The following NFILZ variants were observed in gnomAD, a reference collection of about 807,000 sequenced individuals.
NFILZ encodes the protein NFIL3 like protein.
At chr19:8,631,508 G>A (rs1353107267) in intron 1 of NFILZ, among the ~76,000 whole-genome samples, 4 of 152,102 alleles carry the variant, frequency 2.6e-5, no homozygotes, top group Non-Finnish European at 5.9e-5. Flanking sequence ...TTCTGGGAAG[G>A]CAGCGGAGTC....
At chr19:8,666,869 G>C (rs2043064266) in intron 3 of NFILZ, among the ~76,000 whole-genome samples, 1 of 151,826 alleles carries the variant, frequency 6.6e-6, no homozygotes, top group Non-Finnish European at 1.5e-5. Context: ...CAAGTAGCTG[G>C]GACCAGAGGT....
At position 8,656,473 on chromosome 19, in the gene NFILZ, CT is replaced by C. The variant is rs201653163; in HGVS notation, c.-163-18076del. On this transcript the variant is annotated intron_variant, in intron 3 of 5. Coordinates refer to ENST00000691075, the MANE Select transcript of NFILZ (RefSeq NM_001378600.1). ...AGCCCACCTTCTCTCTGAAGCCCAC[CT>C]TCTCCCGCAGCCCACCTTCTCCCGC... Among the ~76,000 whole-genome samples the C allele has an allele frequency of 3.3e-3, 200 of 60,690 alleles. 2 individuals carry two copies. The highest frequency in any genetic ancestry group is 0.01 in the African/African-American group (135 of 13,104). The allele number at this position is 60,690 out of a possible 152,430, so 39.8% of individuals were successfully genotyped here.
rs2146143701 is a variant in NFILZ, at chr19:8,646,923, A to G, written c.-164+11177A>G. Among the ~76,000 whole-genome samples the G allele has an allele frequency of 1.3e-5, 2 of 152,282 alleles. 1 individual carries two copies. The highest frequency in any genetic ancestry group is 4.1e-4 in the South Asian group (2 of 4,820). On this transcript the variant is annotated intron_variant, in intron 3 of 5. Transcript: ENST00000691075. ...CCAGGCAGGAAGAACACAGGCCCTG[A>G]GGCAGCTGGCCCCAGTTCAAATCCG... is the stretch of plus-strand genomic sequence containing the variant.
At chr19:8,646,698 G>C (rs192635727) in intron 3 of NFILZ, among the ~76,000 whole-genome samples, 77 of 152,234 alleles carry the variant, frequency 5.1e-4, no homozygotes, top group Non-Finnish European at 1.8e-4. Flanking sequence ...TCCCACTGCT[G>C]TCCCCACGTC....
chr19:8,630,958 G>A (rs797038879), intron 1 of NFILZ, among the ~76,000 whole-genome samples: 3 of 152,278 alleles, frequency 2.0e-5, no homozygotes, highest in Admixed American at 6.5e-5. Context: ...TGCCCGGGTC[G>A]TGTTGCATGG....
chr19:8,636,178 G>A (rs964825666), intron 3 of NFILZ, among the ~76,000 whole-genome samples: 4 of 151,516 alleles, frequency 2.6e-5, no homozygotes, highest in African/African-American at 4.8e-5. Flanking sequence ...GGCTGGGCGC[G>A]GTGGCTCATG....
At chr19:8,656,289 C>CCTCTTCCCTGAAGCCCACCTTCTCTCTGA (rs1212956882) in intron 3 of NFILZ, among the ~76,000 whole-genome samples, 1 of 32,958 alleles carries the variant, frequency 3.0e-5, no homozygotes, top group Non-Finnish European at 7.4e-5. Flanking sequence ...CTTCTCCCCA[C>CCTCTTCCCTGAAGCCCACCTTCTCTCTGA]AGCCCACCTC....
At chr19:8,665,350 T>C (rs2043057126) in intron 3 of NFILZ, among the ~76,000 whole-genome samples, 1 of 151,890 alleles carries the variant, frequency 6.6e-6, no homozygotes, top group Non-Finnish European at 1.5e-5. Flanking sequence ...AAGTAAAAAA[T>C]GGTCTACGTG....
rs2146177409 is a variant in NFILZ at position 8,678,115 on chromosome 19, AT to A, written c.*481del. ...ATTCCATCCATCCATCCATCCATCC[AT>A]CCATCCATCCCTCCATCCATTCATC... On this transcript the variant is annotated 3_prime_UTR_variant, in exon 6 of 6. Coordinates refer to ENST00000691075, the MANE Select transcript of NFILZ (RefSeq NM_001378600.1). 1.7e-5 allele frequency among the ~76,000 whole-genome samples: 2 copies of A among 120,980 alleles called. No homozygotes were observed. The highest frequency in any genetic ancestry group is 3.5e-5 in the Non-Finnish European group (2 of 57,604). 79.4% of individuals were successfully genotyped at this position (120,980 alleles called of 152,430 possible). A position where few individuals can be genotyped will look rare whatever the true frequency, so the allele number is the denominator to read the frequency against.
intron 3 of NFILZ, among the ~76,000 whole-genome samples, chr19:8,652,699 T>C (rs911837819): frequency 6.6e-6 from 1 of 152,222 alleles, no homozygotes; most frequent in Non-Finnish European, 1.5e-5. Context: ...TATTGGACAA[T>C]TATTTACATA....
rs2043046066 is a variant in NFILZ at position 8,663,740 on chromosome 19, G to GTGTGTGTGTATGTGTGTGTA, written c.-163-10802_-163-10801insATGTGTGTGTATGTGTGTGT. 2.6e-3 allele frequency among the ~76,000 whole-genome samples: 344 copies of GTGTGTGTGTATGTGTGTGTA among 131,724 alleles called. 9 individuals are homozygous for GTGTGTGTGTATGTGTGTGTA. Among genetic ancestry groups the GTGTGTGTGTATGTGTGTGTA allele is most frequent in the Admixed American group, 0.016 (195 of 12,160 alleles). The allele number at this position is 131,724 out of a possible 152,430, so 86.4% of individuals were successfully genotyped here. On this transcript the variant is annotated intron_variant, in intron 3 of 5. Transcript: ENST00000691075. Reference sequence around the variant, plus strand: ...TGTGTGTTTGTGTGTGTGTGTGTGTGTGTGTGTGTGTGTGTGTGTGTGTGT... The same window carrying GTGTGTGTGTATGTGTGTGTA: ...TGTGTGTTTGTGTGTGTGTGTGTGTGTGTGTGTGTATGTGTGTGTATGTGTGTGTGTGTGTGTGTGTGTGT...
intron 3 of NFILZ, among the ~76,000 whole-genome samples, chr19:8,645,615 C>T (rs1473001354): frequency 3.9e-5 from 6 of 152,198 alleles, no homozygotes. Context: ...TGGGAAAGTA[C>T]ACCTCCCTTT....
chr19:8,673,386 G>T (rs1555750456), intron 3 of NFILZ, among the ~76,000 whole-genome samples: 1 of 152,184 alleles, frequency 6.6e-6, no homozygotes, highest in Non-Finnish European at 1.5e-5. Flanking sequence ...AGAGACAGCT[G>T]CAGGAAATTG....
At chr19:8,663,742 G>GTGTGTGTATGTGTGTGTGTA (rs1555749448) in intron 3 of NFILZ, among the ~76,000 whole-genome samples, 1 of 83,908 alleles carries the variant, frequency 1.2e-5, no homozygotes, top group African/African-American at 6.5e-5. Context: ...GTGTGTGTGT[G>GTGTGTGTATGTGTGTGTGTA]TGTGTGTGTG....
In NFILZ at chr19:8,678,617, A is replaced by T. The variant is rs533954684; in HGVS notation, c.*982A>T. Among the ~76,000 whole-genome samples the T allele has an allele frequency of 7.4e-5, 11 of 148,306 alleles. No individual in the cohort carries two copies. Among genetic ancestry groups the T allele is most frequent in the Admixed American group, 6.0e-4 (9 of 14,960 alleles). On this transcript the variant is annotated 3_prime_UTR_variant, in exon 6 of 6. Transcript: ENST00000691075. ...CTGTCTTCCTTCCTTGCATCCACTC[A>T]TCCTCATCCATTTACCCATCCATCC...
intron 3 of NFILZ, among the ~76,000 whole-genome samples, chr19:8,638,180 A>G (rs1332439900): frequency 6.6e-6 from 1 of 152,176 alleles, no homozygotes; most frequent in Non-Finnish European, 1.5e-5. Flanking sequence ...CCTAGATTCT[A>G]CAACGAACTC....
intron 3 of NFILZ, among the ~76,000 whole-genome samples, chr19:8,669,536 G>A (rs1328643799): frequency 1.3e-5 from 2 of 152,164 alleles, no homozygotes; most frequent in Non-Finnish European, 2.9e-5. Context: ...CAGCCTTGCC[G>A]TATTGTTAAC....
At chr19:8,641,645 G>A (rs538535877) in intron 3 of NFILZ, among the ~76,000 whole-genome samples, 1 of 152,236 alleles carries the variant, frequency 6.6e-6, no homozygotes, top group Non-Finnish European at 1.5e-5. Context: ...CTTCATGACA[G>A]CCCTTGGTGT....
chr19:8,632,947 T>G (rs1206456224), intron 2 of NFILZ, among the ~76,000 whole-genome samples: 3 of 151,770 alleles, frequency 2.0e-5, no homozygotes, highest in African/African-American at 7.3e-5. Context: ...GGTCTCAAAC[T>G]CTTGACCTCA....
Sources: allele counts gnomAD v4.1 joint callset (sites outside exome capture counted in the v4.1 genomes callset), GRCh38; gene constraint gnomAD v4.1.1; transcripts MANE v1.5; gene names NCBI Gene and HGNC (gene_info 2026-07-23, HGNC 2026-07-21).